PLEK: variants seen among roughly 807,000 people sequenced by gnomAD.
PLEK encodes the protein pleckstrin, also known as platelet 47 kDa protein.
A neutral mutation model predicts 43.9 loss-of-function variants in PLEK; 25 were observed. The ratio of observed to expected loss-of-function variants is 0.57; its 90% CI spans 0.41 to 0.79. PLEK has a LOEUF of 0.79. Among genes scored for constraint, PLEK ranks in the 30% least tolerant of loss-of-function variants. The pLI, the probability that PLEK is intolerant of heterozygous loss-of-function variation, is 0.00. For synonymous variants in PLEK, 152 were observed against 144.4 expected (o/e 1.05, Z -0.38); for missense variants, 396 against 413.3 (o/e 0.96, Z 0.36).
chr2:68,375,519 T>G (rs894996082), intron 1 of PLEK, among the ~76,000 whole-genome samples: 2 of 152,222 alleles, frequency 1.3e-5, no homozygotes, highest in African/African-American at 4.8e-5. Flanking sequence ...GGGGAAATAA[T>G]CCAGTGTTCG....
At chr2:68,384,557 G>A (rs1476079800) in intron 4 of PLEK, among the ~76,000 whole-genome samples, 1 of 152,160 alleles carries the variant, frequency 6.6e-6, no homozygotes, top group Non-Finnish European at 1.5e-5. Context: ...AGGCCAGGGT[G>A]GGTTTTGGAC....
intron 8 of PLEK, 64 bp from the exon 9 acceptor site, chr2:68,395,616 G>A (rs1673948139): frequency 1.9e-6 from 3 of 1,569,708 alleles, no homozygotes; most frequent in South Asian, 2.2e-5. Flanking sequence ...GCTTGCAGAG[G>A]AGGGTGGAGC....
At chr2:68,391,333 A>G (rs1673854918) in intron 6 of PLEK, among the ~76,000 whole-genome samples, 1 of 152,184 alleles carries the variant, frequency 6.6e-6, no homozygotes, top group Admixed American at 6.5e-5. Context: ...TTGTCCAGCA[A>G]TTGCATAATA....
intron 1 of PLEK, among the ~76,000 whole-genome samples, chr2:68,379,482 T>C (rs1442096672): frequency 6.6e-6 from 1 of 152,038 alleles, no homozygotes; most frequent in Non-Finnish European, 1.5e-5. Context: ...AAATAGGCAA[T>C]TAAACATGTA....
intron 3 of PLEK, among the ~76,000 whole-genome samples, chr2:68,381,973 T>G (rs1185660077): frequency 1.3e-5 from 2 of 152,194 alleles, no homozygotes; most frequent in Admixed American, 6.5e-5. Flanking sequence ...TGCTTAGAGC[T>G]TCTCTCGTAA....
chr2:68,388,572 G>T, intron 6 of PLEK, 81 bp downstream of exon 6: 1 of 741,344 alleles, frequency 1.3e-6, no homozygotes, highest in Non-Finnish European at 2.4e-6. Context: ...GTGACTTTTG[G>T]TTTGTTTGGT....
chr2:68,369,251 C>T (rs542138051), intron 1 of PLEK, among the ~76,000 whole-genome samples: 1 of 152,314 alleles, frequency 6.6e-6, no homozygotes, highest in South Asian at 2.1e-4. Flanking sequence ...GATTGAAGTA[C>T]AGAGAGGCAA....
At chr2:68,381,051 A>G in intron 3 of PLEK, 147 bp downstream of exon 3, 1 of 716,080 alleles carries the variant, frequency 1.4e-6, no homozygotes, top group Non-Finnish European at 2.3e-6. Flanking sequence ...TAAAATGTTT[A>G]CCTGGGTCTG....
At chr2:68,375,508 A>C (rs1310676203) in intron 1 of PLEK, among the ~76,000 whole-genome samples, 2 of 152,250 alleles carry the variant, frequency 1.3e-5, no homozygotes, top group African/African-American at 4.8e-5. Context: ...CATTTTTAAA[A>C]GGGGAAATAA....
At position 68,386,482 on chromosome 2, in the gene PLEK, C is replaced by T. The variant is rs950127105; in HGVS notation, c.473-20C>T. ...TCTTCGGTAAGGAGAGTTAACCTTC[C>T]CTGTGCTGGTCCCATCTAGGTAACT... On this transcript the variant is annotated intron_variant, in intron 4 of 8. Transcript: ENST00000234313. The T allele has an allele frequency of 6.2e-7, 1 of 1,605,628 alleles. No homozygotes were observed. Among genetic ancestry groups the T allele is most frequent in the African/African-American group, 1.3e-5 (1 of 74,888 alleles).
chr2:68,392,250 C>T lies in PLEK; in HGVS notation c.763-912C>T, dbSNP rs933658934. On this transcript the variant is annotated intron_variant, in intron 6 of 8. Transcript: ENST00000234313. ...TCCTTCATCATGTCTGTTACAGCAA[C>T]AGGCATTTCCATTCCTACTGCAGCT... is the stretch of plus-strand genomic sequence containing the variant. 6.1e-5 allele frequency among the ~76,000 whole-genome samples: 9 copies of T among 147,696 alleles called. 1 individual carries two copies. Among genetic ancestry groups the T allele is most frequent in the South Asian group, 4.2e-4 (2 of 4,814 alleles).
intron 6 of PLEK, among the ~76,000 whole-genome samples, chr2:68,389,236 T>G (rs909903107): frequency 2.0e-5 from 3 of 152,110 alleles, no homozygotes; most frequent in Non-Finnish European, 2.9e-5. Flanking sequence ...CAGGAAGACA[T>G]GAGAATATTC....
chr2:68,380,653 C>T (rs973677017), intron 2 of PLEK, 70 bp from the exon 3 acceptor site: 1 of 1,505,522 alleles, frequency 6.6e-7, no homozygotes, highest in Non-Finnish European at 9.1e-7. Context: ...AGGCCAATGG[C>T]CTCTGCTTCA....
At chr2:68,381,820 C>T (rs916381248) in intron 3 of PLEK, among the ~76,000 whole-genome samples, 18 of 152,118 alleles carry the variant, frequency 1.2e-4, no homozygotes, top group Admixed American at 1.1e-3. Context: ...CAAAGAGCTC[C>T]AACGAGGCAC....
Position 68,396,056 on chromosome 2 carries a change from C to A in PLEK, c.*240C>A. 1 of 442,586 alleles carries A rather than the reference C, an allele frequency of 2.3e-6. No individual in the cohort carries two copies. Among genetic ancestry groups the A allele is most frequent in the Non-Finnish European group, 4.1e-6 (1 of 243,614 alleles). 27.4% of individuals were successfully genotyped at this position (442,586 alleles called of 1,614,324 possible). A position where few individuals can be genotyped will look rare whatever the true frequency, so the allele number is the denominator to read the frequency against. On this transcript the variant is annotated 3_prime_UTR_variant, in exon 9 of 9. Transcript: ENST00000234313. ...CAAGCAGATATAACAAGCTGTGCAG[C>A]CTCAGTAGGCTGCTTGCCCTCTCCA...
rs763832343 is a variant in PLEK, at chr2:68,380,409, A to G, written c.124A>G (p.Asn42Asp). The G allele has an allele frequency of 1.2e-6, 2 of 1,613,904 alleles. No homozygotes were observed. The highest frequency in any genetic ancestry group is 3.3e-5 in the Admixed American group (2 of 60,016). Residue 42 changes from asparagine to aspartate, a missense_variant, in exon 2 of 9, where the codon AAC (asparagine) becomes GAC (aspartate). Asn to Asp is a conservative substitution (Grantham distance 23). Transcript: ENST00000234313. ...TGAATTCTATAAGAAGAAAAGTGACAACAGCCCCAAAGGAATGATCCCGCT... is the reference window on the plus strand; with the variant it reads ...TGAATTCTATAAGAAGAAAAGTGACGACAGCCCCAAAGGAATGATCCCGCT... Reference protein sequence around the residue: ...GIEFYKKKSDNSPKGMIPLKG... With the variant: ...GIEFYKKKSDDSPKGMIPLKG...
At chr2:68,387,372 C>G (rs188467233) in intron 5 of PLEK, among the ~76,000 whole-genome samples, 14 of 152,314 alleles carry the variant, frequency 9.2e-5, no homozygotes, top group Non-Finnish European at 1.8e-4. Context: ...CGTAGACAAG[C>G]GTACTGGAGG....
chr2:68,381,317 A>G (rs1471178569), intron 3 of PLEK, among the ~76,000 whole-genome samples: 2 of 152,236 alleles, frequency 1.3e-5, no homozygotes, highest in African/African-American at 4.8e-5. Context: ...AGGAAGGGCC[A>G]GCCAGGGTAA....
At chr2:68,394,239 T>A (rs1673914911) in intron 8 of PLEK, 63 bp downstream of exon 8, 2 of 920,674 alleles carry the variant, frequency 2.2e-6, no homozygotes, top group Non-Finnish European at 3.7e-6. Context: ...CACCTGGACA[T>A]CCTGGGCCAA....
Sources: allele counts gnomAD v4.1 joint callset (sites outside exome capture counted in the v4.1 genomes callset), GRCh38; gene constraint gnomAD v4.1.1; transcripts MANE v1.5; gene names NCBI Gene and HGNC (gene_info 2026-07-23, HGNC 2026-07-21).